Variants in CWF19L2 observed in about 807,000 individuals in gnomAD.
CWF19L2 encodes the protein CWF19-like protein 2.
A neutral mutation model predicts 111.7 loss-of-function variants in CWF19L2; 98 were observed. The ratio of observed to expected loss-of-function variants is 0.88; its 90% confidence interval spans 0.75 to 1.04. The LOEUF is 1.04. CWF19L2 is among the 50% of genes least tolerant of loss of function. The pLI is 0.00. For missense variants in CWF19L2, 1,101 were observed against 1,051.4 expected (o/e 1.05, Z -0.65); for synonymous variants, 351 against 342.9 (o/e 1.02, Z -0.26).
intron 12 of CWF19L2, among the ~76,000 whole-genome samples, chr11:107,362,805 G>A (rs1489090638): frequency 4.0e-5 from 6 of 151,792 alleles, no homozygotes; most frequent in Non-Finnish European, 8.8e-5. Context: ...CACCAGCAAC[G>A]GAACAAAGCT....
At chr11:107,416,183 A>T in intron 10 of CWF19L2, 26 bp downstream of exon 10, 1 of 807,418 alleles carries the variant, frequency 1.2e-6, no homozygotes, top group Non-Finnish European at 1.8e-6. Context: ...CAAGGTAATT[A>T]CATTCTCCAA....
chr11:107,343,386 T>G (rs1294714667), intron 14 of CWF19L2, among the ~76,000 whole-genome samples: 1 of 152,152 alleles, frequency 6.6e-6, no homozygotes, highest in Non-Finnish European at 1.5e-5. Flanking sequence ...TTCGGTAATT[T>G]CCTCTGCTCT....
At chr11:107,341,060 T>A (rs1436753523) in intron 14 of CWF19L2, among the ~76,000 whole-genome samples, 1 of 152,200 alleles carries the variant, frequency 6.6e-6, no homozygotes, top group Non-Finnish European at 1.5e-5. Flanking sequence ...CCAACCAAAG[T>A]TGAACAAAGC....
intron 10 of CWF19L2, among the ~76,000 whole-genome samples, chr11:107,404,796 C>A (rs11212207): frequency 0.27 from 40,928 of 152,086 alleles, 5,736 homozygotes; most frequent in Non-Finnish European, 0.31. Context: ...GTGCCTCAGA[C>A]AGGTTCATTA....
Position 107,429,218 on chromosome 11 carries a change from A to C in CWF19L2, c.1014T>G (p.Asp338Glu). The change falls in exon 8 of 18, where the codon GAT becomes GAG. Residue 338 changes from aspartate to glutamate, a missense_variant. Transcript: ENST00000282251. ...NNEKFIGDEKDKRPGSLETCR... is the reference protein window; with the variant it reads ...NNEKFIGDEKEKRPGSLETCR... ...ACGTTTCTAAAGACCCAGGTCTCTT[A>C]TCTTTTTCATCACCAATAAATTTTT... 6.2e-7 allele frequency: 1 copy of C among 1,612,778 alleles called. No homozygotes were observed. Among genetic ancestry groups the C allele is most frequent in the South Asian group, 1.1e-5 (1 of 90,722 alleles).
At chr11:107,340,629 G>C (rs1222835753) in intron 14 of CWF19L2, among the ~76,000 whole-genome samples, 1 of 152,084 alleles carries the variant, frequency 6.6e-6, no homozygotes, top group Non-Finnish European at 1.5e-5. Context: ...TCTTGCAACT[G>C]TATTCTTCTT....
intron 12 of CWF19L2, among the ~76,000 whole-genome samples, chr11:107,380,407 A>G (rs1437052336): frequency 6.6e-6 from 1 of 152,110 alleles, no homozygotes; most frequent in Non-Finnish European, 1.5e-5. Context: ...CTATTAAACC[A>G]CTATGCTCAA....
At chr11:107,409,317 T>A (rs908304343) in intron 10 of CWF19L2, among the ~76,000 whole-genome samples, 1 of 152,110 alleles carries the variant, frequency 6.6e-6, no homozygotes, top group African/African-American at 2.4e-5. Context: ...GTTTATTTAT[T>A]AATGTTTCTC....
At position 107,426,764 on chromosome 11, in the gene CWF19L2, T is replaced by C. The variant is rs187111585; in HGVS notation, c.1433+2035A>G. On this transcript the variant is annotated intron_variant, in intron 8 of 17. Coordinates refer to ENST00000282251, the MANE Select transcript of CWF19L2 (RefSeq NM_152434.3). ...AGCTATTTAACTTACATATATTAAATATATAAGTTATGTTTTTATAAAATT... is the reference window on the plus strand; with the variant it reads ...AGCTATTTAACTTACATATATTAAACATATAAGTTATGTTTTTATAAAATT... 9.1e-3 allele frequency among the ~76,000 whole-genome samples: 1,370 copies of C among 151,144 alleles called. 19 individuals are homozygous for C. Among genetic ancestry groups the C allele is most frequent in the African/African-American group, 0.032 (1,295 of 40,932 alleles).
At chr11:107,442,602 C>T (rs1263929734) in intron 4 of CWF19L2, among the ~76,000 whole-genome samples, 2 of 151,038 alleles carry the variant, frequency 1.3e-5, no homozygotes, top group African/African-American at 2.4e-5. Flanking sequence ...GAGGATTACT[C>T]GAGCTTGGGA....
At chr11:107,402,183 A>G (rs1861010702) in intron 10 of CWF19L2, among the ~76,000 whole-genome samples, 1 of 152,236 alleles carries the variant, frequency 6.6e-6, no homozygotes, top group Admixed American at 6.5e-5. Context: ...AAAGCATTTC[A>G]TGACCAAGAA....
intron 12 of CWF19L2, among the ~76,000 whole-genome samples, chr11:107,359,182 C>T (rs1013551672): frequency 6.6e-6 from 1 of 152,142 alleles, no homozygotes; most frequent in African/African-American, 2.4e-5. Flanking sequence ...ACACTGAGCC[C>T]GATAGGATAA....
intron 3 of CWF19L2, among the ~76,000 whole-genome samples, chr11:107,444,765 A>T (rs149029861): frequency 6.6e-6 from 1 of 152,324 alleles, no homozygotes; most frequent in African/African-American, 2.4e-5. Flanking sequence ...GTTATCTGGA[A>T]CAACCAACCA....
At chr11:107,425,339 AGTAATCCC>A (rs1861360540) in intron 8 of CWF19L2, among the ~76,000 whole-genome samples, 1 of 151,908 alleles carries the variant, frequency 6.6e-6, no homozygotes. Flanking sequence ...ACCACATGAC[AGTAATCCC>A]GTAAGATTAT....
intron 14 of CWF19L2, among the ~76,000 whole-genome samples, chr11:107,337,370 TGTGTG>T (rs1859942129): frequency 3.1e-4 from 2 of 6,402 alleles, no homozygotes; most frequent in Non-Finnish European, 1.0e-3. Context: ...GTGTGTTTTG[TGTGTG>T]TGTGTGTGTG....
chr11:107,340,478 G>C (rs1414143454), intron 14 of CWF19L2, among the ~76,000 whole-genome samples: 3 of 152,076 alleles, frequency 2.0e-5, no homozygotes, highest in African/African-American at 7.2e-5. Flanking sequence ...GAGAATATTT[G>C]GTTGTGTCTA....
intron 17 of CWF19L2, among the ~76,000 whole-genome samples, chr11:107,329,001 T>C (rs901699673): frequency 3.3e-5 from 5 of 152,204 alleles, no homozygotes; most frequent in Non-Finnish European, 7.3e-5. Context: ...TTCAGATATT[T>C]CTACTCATTG....
chr11:107,360,807 A>G (rs1179405873), intron 12 of CWF19L2, among the ~76,000 whole-genome samples: 1 of 152,146 alleles, frequency 6.6e-6, no homozygotes, highest in Non-Finnish European at 1.5e-5. Context: ...ATCTATTCAT[A>G]TCCTTGCCCA....
chr11:107,389,630 T>G (rs1302661639), intron 12 of CWF19L2, among the ~76,000 whole-genome samples: 1 of 152,212 alleles, frequency 6.6e-6, no homozygotes, highest in Non-Finnish European at 1.5e-5. Flanking sequence ...TAAATAGATG[T>G]AAGATTATTC....
Sources: gnomAD v4.1 joint callset for allele counts (sites outside exome capture counted in the v4.1 genomes callset) on GRCh38, gnomAD v4.1.1 for gene constraint, MANE v1.5 for transcripts, NCBI Gene and HGNC (gene_info 2026-07-23, HGNC 2026-07-21) for gene names.